AGBL1: variants seen among roughly 807,000 people sequenced by gnomAD.
The protein encoded by AGBL1 is cytosolic carboxypeptidase 4.
AGBL1 carries 130 observed loss-of-function variants against 118.9 expected under a neutral mutation model. The observed-to-expected ratio is 1.09, with a 90% CI of 0.95 to 1.26. The LOEUF (loss-of-function observed/expected upper bound fraction) is 1.26. Ranked by LOEUF, AGBL1 falls within the 50% of genes most tolerant of loss-of-function variation. The pLI, the probability that AGBL1 is intolerant of heterozygous loss-of-function variation, is 0.00. For missense variants in AGBL1, 1,584 were observed against 1,298.1 expected (o/e 1.22, Z -3.38); for synonymous variants, 555 against 478.9 (o/e 1.16, Z -2.08).
At chr15:86,805,262 G>C (rs1258572916) in intron 22 of AGBL1, among the ~76,000 whole-genome samples, 2 of 151,898 alleles carry the variant, frequency 1.3e-5, no homozygotes, top group African/African-American at 4.8e-5. Flanking sequence ...GACCCTAGAG[G>C]CCGAAGTTTT....
intron 5 of AGBL1, among the ~76,000 whole-genome samples, chr15:86,170,879 C>A (rs559885172): frequency 6.4e-4 from 74 of 115,358 alleles, no homozygotes; most frequent in African/African-American, 3.5e-3. Context: ...AACTCAAAAC[C>A]AATGACAAAA....
chr15:86,372,853 G>A (rs2080989405), intron 17 of AGBL1, among the ~76,000 whole-genome samples: 1 of 151,852 alleles, frequency 6.6e-6, no homozygotes, highest in Admixed American at 6.5e-5. Flanking sequence ...TAGTTATAGT[G>A]AGGAAGAGGT....
At chr15:86,160,819 G>C (rs2077257576) in intron 5 of AGBL1, among the ~76,000 whole-genome samples, 1 of 152,130 alleles carries the variant, frequency 6.6e-6, no homozygotes, top group African/African-American at 2.4e-5. Context: ...GTACCATGTT[G>C]TTTGGAAGGC....
intron 21 of AGBL1, among the ~76,000 whole-genome samples, chr15:86,632,798 T>C (rs1263556378): frequency 1.4e-5 from 1 of 70,368 alleles, no homozygotes; most frequent in East Asian, 5.5e-4. Flanking sequence ...TCTGCCAGCG[T>C]AGTTTTGTTT....
chr15:86,086,216 T>C (rs992197464), intron 1 of AGBL1: 1 of 152,076 alleles, frequency 6.6e-6, no homozygotes, highest in African/African-American at 2.4e-5. Context: ...CCCTGGGAGA[T>C]GGGGATGAGA....
chr15:86,738,585 T>C (rs1209071174), intron 22 of AGBL1, among the ~76,000 whole-genome samples: 6 of 152,176 alleles, frequency 3.9e-5, no homozygotes. Context: ...TGGGTTTTTC[T>C]GACTCTCTTC....
At position 86,657,829 on chromosome 15, in the gene AGBL1, G is replaced by A. The variant is rs751865319; in HGVS notation, c.2995-16444G>A. Among the ~76,000 whole-genome samples the A allele has an allele frequency of 7.3e-5, 11 of 151,652 alleles. No homozygotes were observed. The East Asian group carries it at 2.0e-3, about 27-fold the overall frequency. Reference sequence around the variant, plus strand: ...TGGGGTAGACCAGAACAGGGAATAGGGAGCAAGGGCTTCTGATGGGCCAGC... The same window carrying A: ...TGGGGTAGACCAGAACAGGGAATAGAGAGCAAGGGCTTCTGATGGGCCAGC... On this transcript the variant is annotated intron_variant, in intron 21 of 22. Coordinates refer to ENST00000614907, the MANE Select transcript of AGBL1 (RefSeq NM_001386094.1).
intron 22 of AGBL1, among the ~76,000 whole-genome samples, chr15:86,804,027 G>T (rs939026446): frequency 6.6e-6 from 1 of 152,064 alleles, no homozygotes; most frequent in African/African-American, 2.4e-5. Context: ...GGTTTGGTGA[G>T]TAGATTTCAG....
chr15:86,273,320 G>T (rs2079191473), intron 15 of AGBL1, among the ~76,000 whole-genome samples: 2 of 152,038 alleles, frequency 1.3e-5, no homozygotes, highest in Non-Finnish European at 2.9e-5. Context: ...TGATTAAAGA[G>T]CAACAGAGGG....
chr15:86,799,519 AC>A (rs1315756828), intron 22 of AGBL1, among the ~76,000 whole-genome samples: 1 of 152,118 alleles, frequency 6.6e-6, no homozygotes, highest in African/African-American at 2.4e-5. Flanking sequence ...TTATTTCTTA[AC>A]ACTCCTTCTC....
At chr15:86,430,661 A>G (rs1276511836) in intron 18 of AGBL1, among the ~76,000 whole-genome samples, 1 of 152,102 alleles carries the variant, frequency 6.6e-6, no homozygotes, top group African/African-American at 2.4e-5. Context: ...GCTTTAATAG[A>G]TGCATCAGTA....
intron 21 of AGBL1, among the ~76,000 whole-genome samples, chr15:86,566,001 T>G (rs1336248622): frequency 6.6e-6 from 1 of 152,112 alleles, no homozygotes; most frequent in Non-Finnish European, 1.5e-5. Context: ...AGTGTGGGAG[T>G]GACCCAATTT....
intron 5 of AGBL1, among the ~76,000 whole-genome samples, chr15:86,219,641 T>A (rs1405966286): frequency 1.3e-5 from 2 of 152,198 alleles, no homozygotes; most frequent in East Asian, 3.9e-4. Flanking sequence ...TTTGTCTCCA[T>A]GACCACCATT....
chr15:87,000,033 A>C (rs1457179589), intron 24 of AGBL1, among the ~76,000 whole-genome samples: 4 of 83,264 alleles, frequency 4.8e-5, no homozygotes, highest in African/African-American at 1.6e-4. Flanking sequence ...TTCTTTGGAG[A>C]AGTGTCTGTT....
At chr15:86,771,215 T>C (rs1446122038) in intron 22 of AGBL1, among the ~76,000 whole-genome samples, 2 of 152,070 alleles carry the variant, frequency 1.3e-5, no homozygotes, top group African/African-American at 4.8e-5. Flanking sequence ...TTATCTCTTA[T>C]AGTAGAAAGT....
intron 1 of AGBL1, among the ~76,000 whole-genome samples, chr15:86,122,278 AAGG>A (rs2141582700): frequency 6.6e-6 from 1 of 152,288 alleles, no homozygotes; most frequent in South Asian, 2.1e-4. Flanking sequence ...GGAAAATAGG[AAGG>A]AGGAGAATGT....
At chr15:86,799,233 TTA>T (rs2078616841) in intron 22 of AGBL1, among the ~76,000 whole-genome samples, 1 of 152,098 alleles carries the variant, frequency 6.6e-6, no homozygotes. Flanking sequence ...AATGTGCAGG[TTA>T]GTTACATATG....
At chr15:86,139,389 G>GGT (rs1443950765) in intron 1 of AGBL1, among the ~76,000 whole-genome samples, 1 of 152,164 alleles carries the variant, frequency 6.6e-6, no homozygotes, top group Non-Finnish European at 1.5e-5. Flanking sequence ...ACCACCCCGG[G>GGT]ATTCTCTTGA....
chr15:86,187,237 G>A (rs2077646796), intron 5 of AGBL1, among the ~76,000 whole-genome samples: 2 of 152,178 alleles, frequency 1.3e-5, no homozygotes, highest in African/African-American at 4.8e-5. Context: ...GTTACAGGCT[G>A]ATTTCTTTAC....
Sources: gnomAD v4.1 joint callset for allele counts (sites outside exome capture counted in the v4.1 genomes callset) on GRCh38, gnomAD v4.1.1 for gene constraint, MANE v1.5 for transcripts, NCBI Gene and HGNC (gene_info 2026-07-23, HGNC 2026-07-21) for gene names.